IFT140: variants seen among roughly 807,000 people sequenced by gnomAD.
IFT140 encodes intraflagellar transport 140, also known as intraflagellar transport protein 140 homolog.
Under a neutral mutation model 164.6 loss-of-function variants are expected in IFT140, and 133 were observed. The observed-to-expected ratio is 0.81, with a 90% CI of 0.70 to 0.93. The LOEUF is 0.93. IFT140 is among the 40% of genes least tolerant of loss of function. IFT140 has a pLI of 0.00. For synonymous variants in IFT140, 860 were observed against 817.3 expected (o/e 1.05, Z -0.89); for missense variants, 2,045 against 1,972.3 (o/e 1.04, Z -0.70).
intron 13 of IFT140, among the ~76,000 whole-genome samples, chr16:1,578,604 G>A (rs1004711152): frequency 9.2e-5 from 14 of 151,964 alleles, no homozygotes; most frequent in East Asian, 7.7e-4. Context: ...AGACATGGCC[G>A]GGCGTGGTGG....
At chr16:1,561,467 C>A (rs1403193986) in intron 18 of IFT140, among the ~76,000 whole-genome samples, 5 of 152,188 alleles carry the variant, frequency 3.3e-5, no homozygotes, top group Non-Finnish European at 7.3e-5. Flanking sequence ...GTCCAGAAGC[C>A]AGAACCCTAC....
rs143920103 is a variant in IFT140, at chr16:1,511,106, G to A, written c.4227C>T (p.Ala1409=). 16 of 1,610,460 alleles carry A rather than the reference G, an allele frequency of 9.9e-6. No individual in the cohort carries two copies. Among genetic ancestry groups the A allele is most frequent in the Middle Eastern group, 1.6e-4 (1 of 6,076 alleles). The change falls in exon 31 of 31, where the codon GCC becomes GCT. Residue 1409 remains alanine, a synonymous_variant. Coordinates refer to ENST00000426508, the MANE Select transcript of IFT140 (RefSeq NM_014714.4). ...LEEMRRRLPL[A]NMSYYVSPQA... is the part of the protein sequence containing the mutation. ...GCGGGCTCACGTAGTAGGACATGTT[G>A]GCCAAGGGAAGCCGCCGCCGCATCT...
rs534133520 is a variant in IFT140, at chr16:1,568,794, C to T, written c.1653-460G>A. ...AAAAAAACAAAACAACGCTGCTGTA[C>T]GCCGTTCTATACCTGGAGTTTGTGC... On this transcript the variant is annotated intron_variant, in intron 14 of 30. Transcript: ENST00000426508. 2.0e-5 allele frequency among the ~76,000 whole-genome samples: 3 copies of T among 152,256 alleles called. No homozygotes were observed. In the East Asian group the frequency reaches 5.8e-4, roughly 30 times the overall value.
chr16:1,557,907 C>T (rs1176148345), intron 19 of IFT140, 28 bp downstream of exon 19: 1 of 1,607,374 alleles, frequency 6.2e-7, no homozygotes, highest in Non-Finnish European at 8.5e-7. Context: ...GCGCTATCTC[C>T]CAACATCCCA....
chr16:1,590,339 C>T (rs1262642851), intron 6 of IFT140, among the ~76,000 whole-genome samples: 1 of 152,116 alleles, frequency 6.6e-6, no homozygotes, highest in Admixed American at 6.5e-5. Context: ...GAGGGTTTCA[C>T]ATCCACACTG....
chr16:1,598,468 CAG>C (rs1188268171), intron 4 of IFT140, among the ~76,000 whole-genome samples: 2 of 151,826 alleles, frequency 1.3e-5, no homozygotes, highest in African/African-American at 4.8e-5. Flanking sequence ...AAAAAAAAAA[CAG>C]AAACACAAAT....
chr16:1,568,278 C>T lies in IFT140; in HGVS notation c.1709G>A (p.Gly570Glu). ...RSLAELVPGV[G>E]GIASLRCSSS... ...GCTGCACCGCAGAGAAGCGATGCCC[C>T]CCACCCCAGGGACCAGCTCCGCCAG... The change falls in exon 15 of 31, where the codon GGG becomes GAG. Residue 570 changes from glycine to glutamate, a missense_variant. Coordinates refer to ENST00000426508, the MANE Select transcript of IFT140 (RefSeq NM_014714.4). 6.2e-7 allele frequency: 1 copy of T among 1,613,524 alleles called. No individual in the cohort carries two copies. Among genetic ancestry groups the T allele is most frequent in the Non-Finnish European group, 8.5e-7 (1 of 1,179,938 alleles).
intron 19 of IFT140, among the ~76,000 whole-genome samples, chr16:1,545,986 T>C (rs1400447557): frequency 6.6e-6 from 1 of 152,214 alleles, no homozygotes. Flanking sequence ...GCCCTTGGCA[T>C]TCTATTCAGA....
intron 19 of IFT140, among the ~76,000 whole-genome samples, chr16:1,535,654 A>G (rs1305312893): frequency 6.6e-6 from 1 of 152,170 alleles, no homozygotes; most frequent in African/African-American, 2.4e-5. Flanking sequence ...GGGGAATGTC[A>G]TCCCCACTTC....
intron 19 of IFT140, among the ~76,000 whole-genome samples, chr16:1,544,375 TG>T (rs2031956279): frequency 6.6e-6 from 1 of 151,482 alleles, no homozygotes; most frequent in South Asian, 2.1e-4. Context: ...TTAGTAGAGA[TG>T]GGGTTTCACT....
chr16:1,518,391 AGCCCTGAACAC>A (rs1464670292), intron 29 of IFT140, 34 bp from the exon 30 acceptor site: 1 of 1,596,962 alleles, frequency 6.3e-7, no homozygotes, highest in East Asian at 2.3e-5. Flanking sequence ...TGGGCCCCGA[AGCCCTGAACAC>A]CTACTGCTAT....
intron 11 of IFT140, 53 bp from the exon 12 acceptor site, chr16:1,583,439 C>T (rs2034687910): frequency 1.4e-6 from 2 of 1,444,464 alleles, no homozygotes; most frequent in Admixed American, 1.7e-5. Context: ...TGAGGTGCAA[C>T]TGTACACCCC....
chr16:1,519,874 G>C lies in IFT140; in HGVS notation c.4040+7C>G, dbSNP rs1221264564. Reference sequence around the variant, plus strand: ...CTGGCCTGTCCCCGCTGGCCCCGGGGGCACACCTGCGGGCCTGGATGAACC... The same window carrying C: ...CTGGCCTGTCCCCGCTGGCCCCGGGCGCACACCTGCGGGCCTGGATGAACC... On this transcript the variant is annotated splice_region_variant and intron_variant, in intron 29 of 30. Coordinates refer to ENST00000426508, the MANE Select transcript of IFT140 (RefSeq NM_014714.4). 1 of 1,527,454 alleles carries C rather than the reference G, an allele frequency of 6.5e-7. No individual in the cohort carries two copies. Among genetic ancestry groups the C allele is most frequent in the African/African-American group, 1.4e-5 (1 of 71,864 alleles). The allele number at this position is 1,527,454 out of a possible 1,614,324, so 94.6% of individuals were successfully genotyped here. A position where few individuals can be genotyped will look rare whatever the true frequency, so the allele number is the denominator to read the frequency against.
At chr16:1,554,482 G>A (rs1026076781) in intron 19 of IFT140, among the ~76,000 whole-genome samples, 9 of 152,154 alleles carry the variant, frequency 5.9e-5, no homozygotes, top group African/African-American at 1.7e-4. Context: ...GGAGCAGCAC[G>A]CCAGGACAGA....
At position 1,586,143 on chromosome 16, in the gene IFT140, A is replaced by T. The variant is rs899594399; in HGVS notation, c.1142T>A (p.Ile381Asn). 5 of 1,613,280 alleles carry T rather than the reference A, an allele frequency of 3.1e-6. No homozygotes were observed. The South Asian group carries it at 5.5e-5, about 18-fold the overall frequency. The change falls in exon 10 of 31, where the codon ATC becomes AAC. Residue 381 changes from isoleucine (I) to asparagine (N), a missense_variant. Physicochemically the swap from Ile to Asn is moderately radical, Grantham distance 149 (BLOSUM62 -3). Transcript: ENST00000426508. ...LQTPTELQGN[I>N]TQIQWGSRKN... ...TGGAGGCTGTACCTGGATTTGCGTG[A>T]TGTTTCCTTGGAGCTCGGTAGGGGT...
chr16:1,571,774 A>G (rs1409020986), intron 13 of IFT140, among the ~76,000 whole-genome samples: 2 of 151,972 alleles, frequency 1.3e-5, no homozygotes, highest in Non-Finnish European at 2.9e-5. Flanking sequence ...TCCTCAGGAG[A>G]GCTCTGGTGC....
chr16:1,518,440 T>A (rs1179701157), intron 29 of IFT140, 83 bp from the exon 30 acceptor site: 1 of 1,363,474 alleles, frequency 7.3e-7, no homozygotes, highest in African/African-American at 1.5e-5. Context: ...TCTTGGCCTG[T>A]AAGAGGAGCT....
Position 1,526,616 on chromosome 16 carries a change from C to A in IFT140, c.2577+3G>T. The A allele has an allele frequency of 6.5e-7, 1 of 1,542,884 alleles. No homozygotes were observed. Among genetic ancestry groups the A allele is most frequent in the Non-Finnish European group, 8.7e-7 (1 of 1,153,728 alleles). Reference sequence around the variant, plus strand: ...CACCCACCCCATGGCGGGCGCCCCTCACCAGCATGCCCAGCTGCGTGGCCA... The same window carrying A: ...CACCCACCCCATGGCGGGCGCCCCTAACCAGCATGCCCAGCTGCGTGGCCA... On this transcript the variant is annotated splice_donor_region_variant and intron_variant, in intron 20 of 30. Transcript: ENST00000426508.
At chr16:1,595,554 G>T (rs995134883) in intron 4 of IFT140, among the ~76,000 whole-genome samples, 1 of 148,910 alleles carries the variant, frequency 6.7e-6, no homozygotes, top group Non-Finnish European at 1.5e-5. Context: ...GGTGGAGGTT[G>T]CAGTGCCATT....
Sources: allele counts gnomAD v4.1 joint callset (sites outside exome capture counted in the v4.1 genomes callset), GRCh38; gene constraint gnomAD v4.1.1; transcripts MANE v1.5; gene names NCBI Gene and HGNC (gene_info 2026-07-23, HGNC 2026-07-21).